Variants in ITGA1 observed in about 807,000 individuals in gnomAD.
ITGA1 encodes integrin subunit alpha 1.
ITGA1 carries 85 observed loss-of-function variants against 145.9 expected under a neutral mutation model. That is an observed-to-expected ratio of 0.58 (90% CI 0.49 to 0.70). The LOEUF (loss-of-function observed/expected upper bound fraction) is 0.70. Among genes scored for constraint, ITGA1 ranks in the 30% least tolerant of loss-of-function variants. The pLI, the probability that ITGA1 is intolerant of heterozygous loss-of-function variation, is 0.00. For synonymous variants in ITGA1, 520 were observed against 495.3 expected, an observed-to-expected ratio of 1.05 and a Z score of -0.66; for missense variants, 1,351 against 1,418.7, an observed-to-expected ratio of 0.95 and a Z score of 0.77.
At chr5:52,879,143 A>G (rs1749914784) in intron 6 of ITGA1, among the ~76,000 whole-genome samples, 1 of 152,070 alleles carries the variant, frequency 6.6e-6, no homozygotes, top group Non-Finnish European at 1.5e-5. Context: ...GAAGATGGCT[A>G]GAGGAAAGAT....
intron 20 of ITGA1, among the ~76,000 whole-genome samples, chr5:52,927,900 T>C (rs1345464292): frequency 6.6e-6 from 1 of 152,028 alleles, no homozygotes; most frequent in Admixed American, 6.6e-5. Flanking sequence ...CTTTAGGAGG[T>C]CAGTAGGTCC....
At position 52,939,633 on chromosome 5, in the gene ITGA1, T is replaced by A; in HGVS notation, c.3122T>A (p.Ile1041Asn). Residue 1041 changes from isoleucine (I) to asparagine (N), a missense_variant, in exon 25 of 29, where the codon ATC (isoleucine) becomes AAC (asparagine). Transcript: ENST00000282588. ...CATATCTTTGAGGATCCTTTCAGTA[T>A]CAACTCTGGAAAGAAAATGACTACA... is the stretch of plus-strand genomic sequence containing the variant. Reference protein sequence around the residue: ...RPHIFEDPFSINSGKKMTTST... With the variant: ...RPHIFEDPFSNNSGKKMTTST... 12 of 1,613,674 alleles carry A rather than the reference T, an allele frequency of 7.4e-6. No individual in the cohort carries two copies. The highest frequency in any genetic ancestry group is 1.0e-5 in the Non-Finnish European group (12 of 1,179,656).
At chr5:52,823,303 C>G (rs1295871564) in intron 1 of ITGA1, among the ~76,000 whole-genome samples, 2 of 152,178 alleles carry the variant, frequency 1.3e-5, no homozygotes, top group African/African-American at 2.4e-5. Flanking sequence ...CTCCCGGGTT[C>G]AAGCAATTCT....
In ITGA1 at chr5:52,861,484, A is replaced by T; in HGVS notation, c.220A>T (p.Asn74Tyr). The change falls in exon 3 of 29, where the codon AAC becomes TAC. Residue 74 changes from asparagine (N) to tyrosine (Y), a missense_variant. By Grantham distance (143) the Asn-to-Tyr change is moderately radical. Transcript: ENST00000282588. ...IGSPLVGQPK[N>Y]RTGDVYKCPV... The stretch of plus-strand genomic sequence containing the variant: ...TTCTCCGTTAGTTGGCCAACCCAAA[A>T]ACAGAACTGGAGATGTCTATAAGTG... 1.2e-6 allele frequency: 2 copies of T among 1,613,856 alleles called. No individual in the cohort carries two copies. The highest frequency in any genetic ancestry group is 1.7e-6 in the Non-Finnish European group (2 of 1,179,862).
intron 6 of ITGA1, among the ~76,000 whole-genome samples, chr5:52,866,250 TG>T (rs1749685945): frequency 6.6e-6 from 1 of 152,090 alleles, no homozygotes; most frequent in African/African-American, 2.4e-5. Flanking sequence ...TCCTAGCCTC[TG>T]GTTGATACAC....
intron 8 of ITGA1, among the ~76,000 whole-genome samples, chr5:52,889,045 C>T (rs542535835): frequency 1.3e-5 from 2 of 152,332 alleles, no homozygotes; most frequent in South Asian, 2.1e-4. Flanking sequence ...TCAAGACTCA[C>T]TTTCTCACAT....
intron 1 of ITGA1, among the ~76,000 whole-genome samples, chr5:52,791,320 A>G (rs992435457): frequency 2.6e-5 from 4 of 152,180 alleles, no homozygotes; most frequent in African/African-American, 9.6e-5. Context: ...CAAGGTGAGA[A>G]GAAAAACCAT....
At chr5:52,898,466 G>A (rs1208653794) in intron 11 of ITGA1, 83 bp downstream of exon 11, 4 of 1,217,558 alleles carry the variant, frequency 3.3e-6, no homozygotes, top group African/African-American at 1.5e-5. Flanking sequence ...GTTTCTATAG[G>A]CTTGCAACCA....
At chr5:52,814,210 G>A (rs1389354291) in intron 1 of ITGA1, among the ~76,000 whole-genome samples, 2 of 152,170 alleles carry the variant, frequency 1.3e-5, no homozygotes, top group South Asian at 2.1e-4. Context: ...GCAGTGGCGC[G>A]ATCTCAGCTC....
At chr5:52,860,919 G>T (rs1270965399) in intron 2 of ITGA1, among the ~76,000 whole-genome samples, 1 of 152,164 alleles carries the variant, frequency 6.6e-6, no homozygotes, top group Admixed American at 6.5e-5. Flanking sequence ...TTATAAACTA[G>T]CACATGCTAA....
intron 14 of ITGA1, among the ~76,000 whole-genome samples, chr5:52,910,766 C>A (rs1204711614): frequency 6.9e-6 from 1 of 144,194 alleles, no homozygotes; most frequent in Non-Finnish European, 1.5e-5. Context: ...AGATTAATTA[C>A]TATATATACA....
chr5:52,927,348 A>C (rs1750827050), intron 19 of ITGA1, among the ~76,000 whole-genome samples: 1 of 152,172 alleles, frequency 6.6e-6, no homozygotes. Flanking sequence ...TTTACAACTG[A>C]AAACTTAGGT....
At chr5:52,874,670 C>A (rs964373261) in intron 6 of ITGA1, among the ~76,000 whole-genome samples, 2 of 151,968 alleles carry the variant, frequency 1.3e-5, no homozygotes, top group Admixed American at 1.3e-4. Context: ...TTTAATTGAG[C>A]AGATATTTAT....
chr5:52,801,093 C>G, intron 1 of ITGA1: 7 of 1,605,950 alleles, frequency 4.4e-6, no homozygotes, highest in Non-Finnish European at 6.0e-6. Context: ...ACAAACTGCT[C>G]CTGGAAAACC....
chr5:52,789,602 T>C (rs1198714917), intron 1 of ITGA1, among the ~76,000 whole-genome samples: 1 of 152,236 alleles, frequency 6.6e-6, no homozygotes, highest in Non-Finnish European at 1.5e-5. Flanking sequence ...ACTCAGGAAA[T>C]GTCCAATAAT....
At chr5:52,793,910 C>CT (rs1314026123) in intron 1 of ITGA1, among the ~76,000 whole-genome samples, 1 of 151,954 alleles carries the variant, frequency 6.6e-6, no homozygotes, top group Non-Finnish European at 1.5e-5. Context: ...AAACTCTTAA[C>CT]TTTTTGTCAT....
At chr5:52,814,738 A>AG (rs796286791) in intron 1 of ITGA1, among the ~76,000 whole-genome samples, 43 of 151,972 alleles carry the variant, frequency 2.8e-4, no homozygotes, top group African/African-American at 9.4e-4. Flanking sequence ...TTAAAAAAAA[A>AG]GGGGGGGAAA....
chr5:52,840,928 G>A (rs1430066040), intron 1 of ITGA1, among the ~76,000 whole-genome samples: 1 of 152,120 alleles, frequency 6.6e-6, no homozygotes, highest in Non-Finnish European at 1.5e-5. Context: ...ACCAGACACA[G>A]ATATACACAT....
chr5:52,943,580 A>G (rs558672068), intron 26 of ITGA1, among the ~76,000 whole-genome samples: 1 of 152,160 alleles, frequency 6.6e-6, no homozygotes, highest in Non-Finnish European at 1.5e-5. Context: ...GCCTCCTCCA[A>G]TCACTGGCAC....
Sources: gnomAD v4.1 joint callset for allele counts (sites outside exome capture counted in the v4.1 genomes callset) on GRCh38, gnomAD v4.1.1 for gene constraint, MANE v1.5 for transcripts, NCBI Gene and HGNC (gene_info 2026-07-23, HGNC 2026-07-21) for gene names.